Variants in CTNNA3 observed in about 807,000 individuals in gnomAD.
The protein encoded by CTNNA3 is catenin alpha-3.
Under a neutral mutation model 95.7 loss-of-function variants are expected in CTNNA3, and 76 were observed. That is an observed-to-expected ratio of 0.79 (90% CI 0.66 to 0.96). The LOEUF is 0.96. Ranked by LOEUF, CTNNA3 falls within the 40% of genes least tolerant of loss-of-function variation. CTNNA3 has a pLI of 0.00. For synonymous variants in CTNNA3, 431 were observed against 374.4 expected (o/e 1.15, Z -1.74); for missense variants, 1,191 against 1,089.8 (o/e 1.09, Z -1.31).
intron 12 of CTNNA3, among the ~76,000 whole-genome samples, chr10:66,377,477 T>C (rs1436178668): frequency 6.6e-6 from 1 of 152,080 alleles, no homozygotes; most frequent in Non-Finnish European, 1.5e-5. Flanking sequence ...CATTATTTTC[T>C]GATCTCAGAG....
intron 11 of CTNNA3, among the ~76,000 whole-genome samples, chr10:66,519,929 TG>T (rs1033605424): frequency 6.6e-6 from 1 of 152,102 alleles, no homozygotes; most frequent in African/African-American, 2.4e-5. Context: ...CTCACTAATA[TG>T]TTTTTTTCCA....
intron 7 of CTNNA3, among the ~76,000 whole-genome samples, chr10:67,040,154 T>A (rs558749825): frequency 6.6e-6 from 1 of 152,142 alleles, no homozygotes; most frequent in African/African-American, 2.4e-5. Flanking sequence ...AAAATGTGCA[T>A]GTTAAGTGAA....
intron 1 of CTNNA3, among the ~76,000 whole-genome samples, chr10:67,722,339 A>T (rs1158575950): frequency 1.3e-5 from 2 of 152,178 alleles, no homozygotes; most frequent in African/African-American, 4.8e-5. Context: ...GGCCAGCTCT[A>T]GTTTTTGTTC....
At chr10:67,289,211 G>C (rs1247358618) in intron 5 of CTNNA3, among the ~76,000 whole-genome samples, 2 of 152,126 alleles carry the variant, frequency 1.3e-5, no homozygotes, top group Non-Finnish European at 2.9e-5. Flanking sequence ...CAACTTTGGA[G>C]AGTACTGTAC....
intron 9 of CTNNA3, among the ~76,000 whole-genome samples, chr10:66,741,995 T>G (rs1849341894): frequency 6.6e-6 from 1 of 152,172 alleles, no homozygotes; most frequent in Non-Finnish European, 1.5e-5. Context: ...ATATGAAATC[T>G]GGGCACCTTG....
chr10:66,798,338 TTTA>T (rs1165656491), intron 7 of CTNNA3, among the ~76,000 whole-genome samples: 3 of 151,852 alleles, frequency 2.0e-5, no homozygotes, highest in African/African-American at 7.2e-5. Context: ...CCTGTTTAGA[TTTA>T]TTAACTATTA....
intron 7 of CTNNA3, among the ~76,000 whole-genome samples, chr10:67,159,331 A>T (rs1861439266): frequency 6.6e-6 from 1 of 152,318 alleles, no homozygotes; most frequent in East Asian, 1.9e-4. Flanking sequence ...TCCCAGCTGA[A>T]TAAAGCCCTT....
chr10:67,539,404 G>C, intron 4 of CTNNA3, 99 bp downstream of exon 4: 1 of 1,280,548 alleles, frequency 7.8e-7, no homozygotes. Flanking sequence ...GTTAAGAAAT[G>C]AGAGTGAAGC....
At chr10:66,477,686 A>G (rs1170906141) in intron 11 of CTNNA3, among the ~76,000 whole-genome samples, 1 of 152,108 alleles carries the variant, frequency 6.6e-6, no homozygotes, top group Non-Finnish European at 1.5e-5. Flanking sequence ...GGTCTGCAGA[A>G]GCATTTCTTG....
At chr10:66,039,419 A>G (rs1462351734) in intron 15 of CTNNA3, among the ~76,000 whole-genome samples, 1 of 152,230 alleles carries the variant, frequency 6.6e-6, no homozygotes. Flanking sequence ...AGAATAGCCC[A>G]GGAAATCCTA....
intron 2 of CTNNA3, among the ~76,000 whole-genome samples, chr10:67,639,429 G>A (rs1287840274): frequency 1.3e-5 from 2 of 152,106 alleles, no homozygotes; most frequent in Non-Finnish European, 2.9e-5. Context: ...CCAGAGGTAT[G>A]AGGAGGAGCT....
intron 15 of CTNNA3, among the ~76,000 whole-genome samples, chr10:66,026,738 T>A (rs1162434269): frequency 1.3e-5 from 2 of 152,150 alleles, no homozygotes; most frequent in African/African-American, 4.8e-5. Flanking sequence ...ATTTGAGTCA[T>A]CTTATTGGTC....
intron 7 of CTNNA3, among the ~76,000 whole-genome samples, chr10:66,851,223 A>AT (rs1164751053): frequency 6.6e-6 from 1 of 151,768 alleles, no homozygotes; most frequent in Admixed American, 6.6e-5. Context: ...TTCTTCTGAG[A>AT]TTTTCTTCAC....
chr10:66,150,389 G>T (rs919580663), intron 13 of CTNNA3, among the ~76,000 whole-genome samples: 3 of 152,018 alleles, frequency 2.0e-5, no homozygotes, highest in Non-Finnish European at 2.9e-5. Context: ...TGCCCGTCTC[G>T]GGTATGTCTT....
At chr10:66,477,079 A>T (rs1167744351) in intron 11 of CTNNA3, among the ~76,000 whole-genome samples, 1 of 152,066 alleles carries the variant, frequency 6.6e-6, no homozygotes, top group Non-Finnish European at 1.5e-5. Context: ...TTTATCATTC[A>T]TCTTTATAAA....
intron 7 of CTNNA3, among the ~76,000 whole-genome samples, chr10:66,777,398 A>G (rs756903559): frequency 2.0e-5 from 3 of 152,104 alleles, no homozygotes; most frequent in Non-Finnish European, 2.9e-5. Flanking sequence ...TAGGGAAGAG[A>G]GAAGTAAGAA....
At chr10:66,151,773 C>T (rs1373939354) in intron 13 of CTNNA3, among the ~76,000 whole-genome samples, 2 of 151,950 alleles carry the variant, frequency 1.3e-5, no homozygotes, top group Admixed American at 1.3e-4. Flanking sequence ...AGTTAAGCTA[C>T]ACCAGAGTTA....
intron 7 of CTNNA3, among the ~76,000 whole-genome samples, chr10:66,961,557 AG>A (rs1849109453): frequency 6.6e-6 from 1 of 152,064 alleles, no homozygotes; most frequent in Non-Finnish European, 1.5e-5. Context: ...GTCCCAGGTT[AG>A]CCCTTGGACC....
intron 5 of CTNNA3, among the ~76,000 whole-genome samples, chr10:67,361,694 T>C (rs78401324): frequency 0.013 from 1,941 of 152,190 alleles, 23 homozygotes; most frequent in African/African-American, 0.032. Context: ...ATTAACAATC[T>C]AACATTGCAA....
Sources: gnomAD v4.1 joint callset for allele counts (sites outside exome capture counted in the v4.1 genomes callset) on GRCh38, gnomAD v4.1.1 for gene constraint, MANE v1.5 for transcripts, NCBI Gene and HGNC (gene_info 2026-07-23, HGNC 2026-07-21) for gene names.